PDE4D: variants seen among roughly 807,000 people sequenced by gnomAD.
The protein encoded by PDE4D is phosphodiesterase 4D.
PDE4D carries 24 observed loss-of-function variants against 87.4 expected under a neutral mutation model. The observed-to-expected ratio is 0.27, with a 90% confidence interval of 0.20 to 0.39. The LOEUF (loss-of-function observed/expected upper bound fraction) is 0.39, where lower values mean the gene tolerates loss of function less well. Among genes scored for constraint, PDE4D ranks in the 10% least tolerant of loss-of-function variants. PDE4D has a pLI of 1.00. For missense variants in PDE4D, 714 were observed against 1,041.0 expected (o/e 0.69, Z 4.32); for synonymous variants, 384 against 383.2 (o/e 1.00, Z -0.02).
chr5:59,834,660 G>A (rs573728980), intron 1 of PDE4D, among the ~76,000 whole-genome samples: 9 of 152,090 alleles, frequency 5.9e-5, no homozygotes, highest in South Asian at 2.1e-4. Context: ...CTCTTTAGGC[G>A]AAGAAAGTGT....
At chr5:60,460,273 T>A in intron 1 of PDE4D, 1 of 1,057,110 alleles carries the variant, frequency 9.5e-7, no homozygotes, top group Non-Finnish European at 1.5e-6. Flanking sequence ...CTCATTCAGA[T>A]GAAATTCTTT....
chr5:59,164,724 C>T (rs1781643114), intron 5 of PDE4D, among the ~76,000 whole-genome samples: 1 of 152,056 alleles, frequency 6.6e-6, no homozygotes, highest in Non-Finnish European at 1.5e-5. Context: ...ATAATGCCTT[C>T]CTTCTGTTGG....
At chr5:59,167,149 G>T (rs112892188) in intron 5 of PDE4D, among the ~76,000 whole-genome samples, 3,327 of 152,186 alleles carry the variant, frequency 0.022, 131 homozygotes, top group African/African-American at 0.076. Flanking sequence ...TAACAGAAAA[G>T]ATCTAACACA....
intron 1 of PDE4D, among the ~76,000 whole-genome samples, chr5:59,444,415 TTTTTAA>T (rs1798063827): frequency 6.6e-6 from 1 of 152,198 alleles, no homozygotes; most frequent in African/African-American, 2.4e-5. Context: ...GTCCAACATA[TTTTTAA>T]TTTTGTTTTT....
intron 1 of PDE4D, among the ~76,000 whole-genome samples, chr5:59,297,766 T>C (rs915729792): frequency 6.6e-6 from 1 of 152,106 alleles, no homozygotes; most frequent in South Asian, 2.1e-4. Flanking sequence ...GAAAAAAAAT[T>C]ATCTGGGCTG....
chr5:60,038,636 A>T (rs2152865733), intron 2 of PDE4D, among the ~76,000 whole-genome samples: 1 of 152,232 alleles, frequency 6.6e-6, no homozygotes, highest in African/African-American at 2.4e-5. Context: ...AACTACCATC[A>T]GAGTGAACAG....
At chr5:59,095,999 G>A (rs1004662374) in intron 5 of PDE4D, among the ~76,000 whole-genome samples, 17 of 152,126 alleles carry the variant, frequency 1.1e-4, no homozygotes, top group Admixed American at 2.0e-4. Flanking sequence ...GTACAAAGCC[G>A]TGTGCTAGTT....
chr5:60,347,435 AC>A (rs1338814771), intron 1 of PDE4D, among the ~76,000 whole-genome samples: 1 of 152,130 alleles, frequency 6.6e-6, no homozygotes, highest in African/African-American at 2.4e-5. Flanking sequence ...TAAGTAGGGG[AC>A]TGACATGATC....
intron 1 of PDE4D, among the ~76,000 whole-genome samples, chr5:60,361,380 T>C (rs1320076107): frequency 6.6e-6 from 1 of 152,224 alleles, no homozygotes; most frequent in Non-Finnish European, 1.5e-5. Flanking sequence ...CAATCATTGA[T>C]GCAAAATATA....
At position 58,977,990 on chromosome 5, in the gene PDE4D, T is replaced by C. The variant is rs544485727; in HGVS notation, c.1553-645A>G. Among the ~76,000 whole-genome samples the C allele has an allele frequency of 3.3e-5, 5 of 152,228 alleles. No homozygotes were observed. The East Asian group carries it at 9.7e-4, about 29-fold the overall frequency. ...CAGTGATGTTGTGTTTGGCTGTCTG[T>C]ATACCCTCTGGTGAAGATTCTGCCA... On this transcript the variant is annotated intron_variant, in intron 11 of 14. Transcript: ENST00000340635.
intron 1 of PDE4D, among the ~76,000 whole-genome samples, chr5:59,246,043 T>C (rs976548627): frequency 2.0e-5 from 3 of 150,352 alleles, no homozygotes; most frequent in African/African-American, 7.3e-5. Flanking sequence ...ATATAAAATA[T>C]TTGTAAGGAT....
At chr5:59,566,579 TGTGTGA>T (rs1167851518) in intron 1 of PDE4D, among the ~76,000 whole-genome samples, 22 of 146,298 alleles carry the variant, frequency 1.5e-4, no homozygotes, top group African/African-American at 3.6e-4. Flanking sequence ...TGTGTGTGTG[TGTGTGA>T]GAGAATGAGA....
intron 1 of PDE4D, among the ~76,000 whole-genome samples, chr5:60,198,623 G>T (rs961100985): frequency 6.6e-6 from 1 of 151,506 alleles, no homozygotes; most frequent in African/African-American, 2.4e-5. Flanking sequence ...CTCTAAGAAG[G>T]CACTCCTTAA....
intron 5 of PDE4D, among the ~76,000 whole-genome samples, chr5:59,056,152 G>A (rs577155092): frequency 3.9e-5 from 6 of 152,282 alleles, no homozygotes; most frequent in Non-Finnish European, 7.3e-5. Flanking sequence ...AGAGGGAATA[G>A]CGTGTGAACC....
chr5:60,014,592 G>A (rs528589811), intron 2 of PDE4D, among the ~76,000 whole-genome samples: 44 of 152,186 alleles, frequency 2.9e-4, no homozygotes, highest in African/African-American at 8.4e-4. Context: ...TCTTAAAAAC[G>A]TTACTGCACA....
At chr5:60,009,614 T>A (rs1325889896) in intron 2 of PDE4D, among the ~76,000 whole-genome samples, 3 of 151,932 alleles carry the variant, frequency 2.0e-5, no homozygotes, top group African/African-American at 7.2e-5. Context: ...GTTAGAAAAA[T>A]TTTTTAAAGT....
intron 1 of PDE4D, among the ~76,000 whole-genome samples, chr5:59,248,638 G>GTT (rs1759340500): frequency 6.6e-6 from 1 of 152,044 alleles, no homozygotes; most frequent in Non-Finnish European, 1.5e-5. Context: ...AATGTAGTAT[G>GTT]TTTCTCTCAA....
chr5:59,274,675 A>G lies in PDE4D; in HGVS notation c.456-58707T>C, dbSNP rs943204805. The stretch of plus-strand genomic sequence containing the variant: ...TGTTGGAAAATACTCCTTAAGGGCC[A>G]TGCCATATGCTGATTAGCATATCAA... On this transcript the variant is annotated intron_variant, in intron 1 of 14. Coordinates refer to ENST00000340635, the MANE Select transcript of PDE4D (RefSeq NM_001104631.2). Among the ~76,000 whole-genome samples, 11 of 152,302 alleles carry G rather than the reference A, an allele frequency of 7.2e-5. No individual in the cohort carries two copies. The South Asian group carries it at 2.3e-3, about 32-fold the overall frequency.
At chr5:59,436,189 CT>C (rs978664148) in intron 1 of PDE4D, among the ~76,000 whole-genome samples, 4 of 152,152 alleles carry the variant, frequency 2.6e-5, no homozygotes, top group Non-Finnish European at 5.9e-5. Context: ...ATATATTACA[CT>C]TTGCAGTCTT....
Sources: allele counts gnomAD v4.1 joint callset (sites outside exome capture counted in the v4.1 genomes callset), GRCh38; gene constraint gnomAD v4.1.1; transcripts MANE v1.5; gene names NCBI Gene and HGNC (gene_info 2026-07-23, HGNC 2026-07-21).